The following AGBL4 variants were observed in gnomAD, a reference collection of about 807,000 sequenced individuals.
The protein encoded by AGBL4 is cytosolic carboxypeptidase 6.
A neutral mutation model predicts 66.4 loss-of-function variants in AGBL4; 58 were observed. That is an observed-to-expected ratio of 0.87 (90% CI 0.71 to 1.09). The LOEUF (loss-of-function observed/expected upper bound fraction) is 1.09, where lower values mean the gene tolerates loss of function less well. AGBL4 is among the 50% of genes least tolerant of loss of function. AGBL4 has a pLI of 0.00. For missense variants in AGBL4, 579 were observed against 631.0 expected, an observed-to-expected ratio of 0.92 and a Z score of 0.88; for synonymous variants, 234 against 222.9, an observed-to-expected ratio of 1.05 and a Z score of -0.44.
chr1:48,524,807 T>G, the AGBL4 span, among the ~76,000 whole-genome samples: 1 of 152,026 alleles, frequency 6.6e-6, no homozygotes, highest in East Asian at 1.9e-4. Context: ...TCATAGTCAA[T>G]TTATCTCTTT....
At chr1:49,242,488 C>T (rs1225634670) in intron 4 of AGBL4, among the ~76,000 whole-genome samples, 3 of 151,978 alleles carry the variant, frequency 2.0e-5, no homozygotes, top group Non-Finnish European at 4.4e-5. Context: ...AATGTAAATA[C>T]TCCTAGCTTC....
intron 11 of AGBL4, among the ~76,000 whole-genome samples, chr1:48,545,160 A>G (rs1456657221): frequency 6.6e-6 from 1 of 152,172 alleles, no homozygotes; most frequent in Admixed American, 6.5e-5. Context: ...ACTTAAAGCA[A>G]CTGTAGGAGG....
chr1:49,955,747 T>C (rs917084113), intron 1 of AGBL4, among the ~76,000 whole-genome samples: 2 of 151,904 alleles, frequency 1.3e-5, no homozygotes, highest in Non-Finnish European at 2.9e-5. Flanking sequence ...GTAACATTAG[T>C]GGCCAAAAGT....
chr1:48,747,368 A>C (rs542360893), intron 6 of AGBL4, among the ~76,000 whole-genome samples: 52 of 152,332 alleles, frequency 3.4e-4, no homozygotes, highest in African/African-American at 1.2e-3. Flanking sequence ...AAGCTTTTAA[A>C]AAGTATGAAA....
At chr1:49,336,212 G>GC (rs1489284449) in intron 3 of AGBL4, among the ~76,000 whole-genome samples, 7 of 151,808 alleles carry the variant, frequency 4.6e-5, no homozygotes, top group South Asian at 4.2e-4. Context: ...GAAGACCAAA[G>GC]CCCCCCCTGA....
In AGBL4 at chr1:49,264,091, A is replaced by G. The variant is rs189970803; in HGVS notation, c.283-18227T>C. 5.5e-3 allele frequency among the ~76,000 whole-genome samples: 835 copies of G among 152,256 alleles called. 2 individuals carry two copies. The highest frequency in any genetic ancestry group is 0.02 in the Middle Eastern group (6 of 294). On this transcript the variant is annotated intron_variant, in intron 3 of 13. Coordinates refer to ENST00000371839, the MANE Select transcript of AGBL4 (RefSeq NM_032785.4). ...AATCCAAGTATAATAAAAATACAAA[A>G]TTATACATGGTAATAATAATTTCAG... is the stretch of plus-strand genomic sequence containing the variant.
chr1:49,335,554 T>C (rs1307641315), intron 3 of AGBL4, among the ~76,000 whole-genome samples: 3 of 152,052 alleles, frequency 2.0e-5, no homozygotes, highest in Non-Finnish European at 4.4e-5. Context: ...CTCGCTCTGT[T>C]GCCCAGCCTG....
At position 49,700,318 on chromosome 1, in the gene AGBL4, GATA is replaced by G. The variant is rs1647065565; in HGVS notation, c.158-2884_158-2882del. ...CATTAAATAGATAGATAGATAGATAGATAGATAGATAGATAGATAGATAGACAG... is the reference window on the plus strand; with the variant it reads ...CATTAAATAGATAGATAGATAGATAGGATAGATAGATAGATAGATAGACAG... On this transcript the variant is annotated intron_variant, in intron 2 of 13. Coordinates refer to ENST00000371839, the MANE Select transcript of AGBL4 (RefSeq NM_032785.4). 2.0e-5 allele frequency among the ~76,000 whole-genome samples: 3 copies of G among 151,162 alleles called. No homozygotes were observed. The South Asian group carries it at 6.3e-4, about 32-fold the overall frequency.
rs558464200 is a variant in AGBL4 at position 48,734,950 on chromosome 1, C to T, written c.635-71709G>A. Among the ~76,000 whole-genome samples the T allele has an allele frequency of 7.2e-5, 11 of 152,312 alleles. No individual in the cohort carries two copies. In the East Asian group the frequency reaches 1.9e-3, roughly 27 times the overall value. ...TAGTCAGTGGTTAGGAGCACAGATTCTGAAGACAGCCTGCTGGCTCGGGTT... is the reference window on the plus strand; with the variant it reads ...TAGTCAGTGGTTAGGAGCACAGATTTTGAAGACAGCCTGCTGGCTCGGGTT... On this transcript the variant is annotated intron_variant, in intron 6 of 13. Coordinates refer to ENST00000371839, the MANE Select transcript of AGBL4 (RefSeq NM_032785.4).
Position 49,371,232 on chromosome 1 carries a change from G to T in AGBL4, c.283-125368C>A, listed in dbSNP as rs369911910. Among the ~76,000 whole-genome samples the T allele has an allele frequency of 3.9e-5, 5 of 127,436 alleles. No individual in the cohort carries two copies. The South Asian group carries it at 7.4e-4, about 19-fold the overall frequency. The allele number at this position is 127,436 out of a possible 152,430, so 83.6% of individuals were successfully genotyped here. On this transcript the variant is annotated intron_variant, in intron 3 of 13. Transcript: ENST00000371839. Reference sequence around the variant, plus strand: ...TAGAAGATAGATAGATAGATATATAGATAGATAGATAGATAGATACATACA... The same window carrying T: ...TAGAAGATAGATAGATAGATATATATATAGATAGATAGATAGATACATACA...
At chr1:49,501,297 G>A (rs1271448129) in intron 3 of AGBL4, among the ~76,000 whole-genome samples, 1 of 152,080 alleles carries the variant, frequency 6.6e-6, no homozygotes, top group Non-Finnish European at 1.5e-5. Context: ...GTTCCTGAAA[G>A]AATTATGGTT....
Position 49,628,003 on chromosome 1 carries a change from T to A in AGBL4, c.282+69310A>T, listed in dbSNP as rs555662674. Among the ~76,000 whole-genome samples, 6 of 152,302 alleles carry A rather than the reference T, an allele frequency of 3.9e-5. No individual in the cohort carries two copies. The East Asian group carries it at 9.6e-4, about 24-fold the overall frequency. On this transcript the variant is annotated intron_variant, in intron 3 of 13. Coordinates refer to ENST00000371839, the MANE Select transcript of AGBL4 (RefSeq NM_032785.4). ...AAGCTGGTGCTGGGCCTGTCCAATT[T>A]TATGACTTTGTAGGTCTAACAAAAC...
At chr1:48,983,008 T>C (rs2148967421) in intron 5 of AGBL4, among the ~76,000 whole-genome samples, 1 of 152,294 alleles carries the variant, frequency 6.6e-6, no homozygotes, top group Middle Eastern at 3.4e-3. Flanking sequence ...AAACAACAAA[T>C]GCATTTGCTT....
intron 1 of AGBL4, among the ~76,000 whole-genome samples, chr1:50,002,218 G>C (rs1415982180): frequency 6.6e-6 from 1 of 152,130 alleles, no homozygotes; most frequent in Non-Finnish European, 1.5e-5. Context: ...GTTTGAGTAG[G>C]TGAGTCAAAT....
At chr1:48,764,278 T>C (rs1644419869) in intron 6 of AGBL4, among the ~76,000 whole-genome samples, 1 of 152,218 alleles carries the variant, frequency 6.6e-6, no homozygotes, top group Non-Finnish European at 1.5e-5. Context: ...TTAATTTACT[T>C]CTCTGAGACT....
At chr1:49,399,268 CA>C (rs1460541679) in intron 3 of AGBL4, among the ~76,000 whole-genome samples, 1 of 152,082 alleles carries the variant, frequency 6.6e-6, no homozygotes, top group African/African-American at 2.4e-5. Context: ...GGGTTGCTTC[CA>C]AATCTTAGCT....
Position 49,467,155 on chromosome 1 carries a change from A to G in AGBL4, c.283-221291T>C, listed in dbSNP as rs71647738. ...AAAAGTCAACCATGACTTCTCTACC[A>G]TGAAGGTGAGTCAAGGTTGTAGTTA... On this transcript the variant is annotated intron_variant, in intron 3 of 13. Coordinates refer to ENST00000371839, the MANE Select transcript of AGBL4 (RefSeq NM_032785.4). 8.0e-3 allele frequency among the ~76,000 whole-genome samples: 1,217 copies of G among 151,976 alleles called. 14 individuals are homozygous for G. The highest frequency in any genetic ancestry group is 0.012 in the Non-Finnish European group (787 of 67,894).
chr1:49,068,806 A>G (rs1644542113), intron 4 of AGBL4, among the ~76,000 whole-genome samples: 1 of 152,214 alleles, frequency 6.6e-6, no homozygotes, highest in Non-Finnish European at 1.5e-5. Context: ...GAGTCACCAC[A>G]GAGTCTTCCA....
intron 5 of AGBL4, among the ~76,000 whole-genome samples, chr1:48,921,124 G>A (rs1236477042): frequency 1.3e-5 from 2 of 152,160 alleles, no homozygotes; most frequent in Non-Finnish European, 2.9e-5. Context: ...AATTTACAGC[G>A]AGATGACAGA....
Sources: allele counts gnomAD v4.1 joint callset (sites outside exome capture counted in the v4.1 genomes callset), GRCh38; gene constraint gnomAD v4.1.1; transcripts MANE v1.5; gene names NCBI Gene and HGNC (gene_info 2026-07-23, HGNC 2026-07-21).